PRKAR2A: variants seen among roughly 807,000 people sequenced by gnomAD.
PRKAR2A encodes the protein cAMP-dependent protein kinase type II-alpha regulatory subunit.
Under a neutral mutation model 51.9 loss-of-function variants are expected in PRKAR2A, and 29 were observed. The observed-to-expected ratio is 0.56, with a 90% confidence interval of 0.42 to 0.76. The LOEUF is 0.76. Among genes scored for constraint, PRKAR2A ranks in the 30% least tolerant of loss-of-function variants. The pLI is 0.00. For synonymous variants in PRKAR2A, 178 were observed against 186.2 expected (o/e 0.96, Z 0.36); for missense variants, 445 against 512.1 (o/e 0.87, Z 1.26).
chr3:48,774,054 A>C (rs1187184183), intron 5 of PRKAR2A, among the ~76,000 whole-genome samples: 1 of 152,010 alleles, frequency 6.6e-6, no homozygotes, highest in Non-Finnish European at 1.5e-5. Flanking sequence ...GCTGGTCTGG[A>C]ACTCCTGGGC....
At chr3:48,770,086 T>A (rs2082007645) in intron 6 of PRKAR2A, among the ~76,000 whole-genome samples, 2 of 152,150 alleles carry the variant, frequency 1.3e-5, no homozygotes, top group Non-Finnish European at 2.9e-5. Context: ...GTTCTACCCC[T>A]TTTTACGCAT....
Position 48,847,350 on chromosome 3 carries a change from C to T in PRKAR2A, c.247G>A (p.Asp83Asn). ...CACAGCCTACCTTCCAAGTCCTCGT[C>T]CTCCTCCGACTCGCTGTCCCCTTTG... ...DAKGDSESEE[D>N]EDLEVPVPSR... The change falls in exon 1 of 11, where the codon GAC becomes AAC. Residue 83 changes from aspartate (D) to asparagine (N), a missense_variant. By Grantham distance (23) the Asp-to-Asn change is conservative. Coordinates refer to ENST00000265563, the MANE Select transcript of PRKAR2A (RefSeq NM_004157.4). The surrounding 1 kb of genome is among the most constrained non-coding windows in gnomAD (Gnocchi z 4.4). 6.2e-7 allele frequency: 1 copy of T among 1,613,624 alleles called. No individual in the cohort carries two copies. The highest frequency in any genetic ancestry group is 8.5e-7 in the Non-Finnish European group (1 of 1,179,730).
chr3:48,805,753 G>C (rs778896028), intron 2 of PRKAR2A, among the ~76,000 whole-genome samples: 2 of 152,174 alleles, frequency 1.3e-5, no homozygotes, highest in Non-Finnish European at 2.9e-5. Flanking sequence ...TTTCTCTCCT[G>C]TATCATCCTA....
downstream of PRKAR2A, among the ~76,000 whole-genome samples, chr3:48,745,527 GTTTTTTTT>G (rs34668049): frequency 2.0e-4 from 14 of 70,422 alleles, no homozygotes; most frequent in Admixed American, 4.0e-4. Context: ...TTTGGATAAG[GTTTTTTTT>G]TTTTTTTTTT....
chr3:48,846,477 A>G (rs2083464715), intron 1 of PRKAR2A, among the ~76,000 whole-genome samples: 1 of 152,114 alleles, frequency 6.6e-6, no homozygotes, highest in Admixed American at 6.5e-5. Context: ...TCGGCCTCCC[A>G]AAGTGCTGGG....
At chr3:48,775,041 T>C (rs1423575733) in intron 5 of PRKAR2A, among the ~76,000 whole-genome samples, 1 of 152,234 alleles carries the variant, frequency 6.6e-6, no homozygotes, top group Non-Finnish European at 1.5e-5. Context: ...GCTAGTTTAC[T>C]GAGCATTTTC....
rs140045965 is a variant in PRKAR2A at position 48,819,294 on chromosome 3, G to T, written c.263-11610C>A. Reference sequence around the variant, plus strand: ...ACCTCCCAAAGTGCTGGGATTACAGGCATGAGCCACAACGCCCACCCTCAA... The same window carrying T: ...ACCTCCCAAAGTGCTGGGATTACAGTCATGAGCCACAACGCCCACCCTCAA... On this transcript the variant is annotated intron_variant, in intron 1 of 10. Transcript: ENST00000265563. Among the ~76,000 whole-genome samples the T allele has an allele frequency of 5.0e-4, 76 of 152,308 alleles. 1 individual carries two copies. The East Asian group carries it at 0.014, about 29-fold the overall frequency.
intron 8 of PRKAR2A, 122 bp downstream of exon 8, chr3:48,764,881 TC>T: frequency 1.3e-6 from 1 of 782,884 alleles, no homozygotes; most frequent in Non-Finnish European, 2.1e-6. Context: ...TGCCTCAGCC[TC>T]CCGAAGTGTT....
chr3:48,820,610 A>G (rs556689619), intron 1 of PRKAR2A, among the ~76,000 whole-genome samples: 7 of 152,290 alleles, frequency 4.6e-5, no homozygotes, highest in Admixed American at 4.6e-4. Context: ...CTCACTTACT[A>G]GCAGTGTGAC....
At chr3:48,844,074 C>T (rs1312099784) in intron 1 of PRKAR2A, among the ~76,000 whole-genome samples, 4 of 151,176 alleles carry the variant, frequency 2.6e-5, no homozygotes, top group African/African-American at 4.8e-5. Context: ...AGAAAATTTT[C>T]GCAACCTACT....
chr3:48,803,242 T>A (rs2082618305), intron 2 of PRKAR2A, among the ~76,000 whole-genome samples: 1 of 151,986 alleles, frequency 6.6e-6, no homozygotes, highest in South Asian at 2.1e-4. Context: ...AGGGAGACCT[T>A]GTCTTTACAA....
intron 1 of PRKAR2A, among the ~76,000 whole-genome samples, chr3:48,841,220 G>A (rs2083376099): frequency 6.6e-6 from 1 of 151,746 alleles, no homozygotes; most frequent in Admixed American, 6.6e-5. Flanking sequence ...GAGCACTGGA[G>A]TATAACTATC....
downstream of PRKAR2A, among the ~76,000 whole-genome samples, chr3:48,746,168 C>T (rs570460157): frequency 9.2e-5 from 14 of 152,008 alleles, no homozygotes; most frequent in African/African-American, 3.4e-4. Flanking sequence ...ATTCACCCTG[C>T]AGATCTTGGG....
At chr3:48,797,812 G>A (rs149178804) in intron 2 of PRKAR2A, among the ~76,000 whole-genome samples, 3,777 of 152,292 alleles carry the variant, frequency 0.025, 69 homozygotes, top group Non-Finnish European at 0.038. Context: ...ACTGAGCCAG[G>A]AAAGTAACAA....
In PRKAR2A at chr3:48,847,267, TCCCTGCCACC is replaced by T. The variant is rs918353129; in HGVS notation, c.262+58_262+67del. ...GCTTGGCTGCGGCGCGACACCTGGC[TCCCTGCCACC>T]CCTCTAGACCTCTGGAGACCTCCTG... is the stretch of plus-strand genomic sequence containing the variant. On this transcript the variant is annotated intron_variant, in intron 1 of 10. Coordinates refer to ENST00000265563, the MANE Select transcript of PRKAR2A (RefSeq NM_004157.4). This position sits in a 1 kb window ranked among gnomAD's most constrained non-coding sequence, Gnocchi z 4.4. The T allele has an allele frequency of 2.1e-5, 32 of 1,542,044 alleles. No individual in the cohort carries two copies. In the African/African-American group the frequency reaches 3.9e-4, roughly 19 times the overall value.
intron 4 of PRKAR2A, 69 bp from the exon 5 acceptor site, chr3:48,783,161 A>G (rs1465289760): frequency 1.1e-5 from 11 of 1,013,246 alleles, no homozygotes; most frequent in Non-Finnish European, 1.7e-5. Flanking sequence ...GACCATAATT[A>G]TCTCAATTTG....
chr3:48,832,296 C>CAAAAAAAAAA (rs75592481), intron 1 of PRKAR2A, among the ~76,000 whole-genome samples: 1 of 72,606 alleles, frequency 1.4e-5, no homozygotes, highest in Non-Finnish European at 2.8e-5. Context: ...AACTTCATCT[C>CAAAAAAAAAA]AAAAAAAAAA....
intron 6 of PRKAR2A, among the ~76,000 whole-genome samples, chr3:48,769,747 A>T (rs937134040): frequency 2.0e-5 from 3 of 151,092 alleles, no homozygotes; most frequent in Middle Eastern, 3.5e-3. Flanking sequence ...AAGTGCTGGG[A>T]TTACAGGCAC....
At chr3:48,752,418 T>G in intron 9 of PRKAR2A, 101 bp from the exon 10 acceptor site, 1 of 1,247,540 alleles carries the variant, frequency 8.0e-7, no homozygotes, top group Non-Finnish European at 1.1e-6. Context: ...TCTACACAAT[T>G]ACTGAGGAAT....
Sources: allele counts gnomAD v4.1 joint callset (sites outside exome capture counted in the v4.1 genomes callset), GRCh38; gene constraint gnomAD v4.1.1; non-coding constraint Gnocchi (gnomAD v3.1); transcripts MANE v1.5; gene names NCBI Gene and HGNC (gene_info 2026-07-23, HGNC 2026-07-21).